The following SIPA1L1 variants were observed in gnomAD, a reference collection of about 807,000 sequenced individuals.
The protein encoded by SIPA1L1 is signal induced proliferation associated 1 like 1, also known as signal-induced proliferation-associated 1-like protein 1.
SIPA1L1 carries 26 observed loss-of-function variants against 162.7 expected under a neutral mutation model. The ratio of observed to expected loss-of-function variants is 0.16; its 90% CI spans 0.12 to 0.22. The LOEUF (loss-of-function observed/expected upper bound fraction) is 0.22. Ranked by LOEUF, SIPA1L1 falls within the 10% of genes least tolerant of loss-of-function variation. SIPA1L1 has a pLI of 1.00. For synonymous variants in SIPA1L1, 829 were observed against 837.4 expected (o/e 0.99, Z 0.17); for missense variants, 1,874 against 2,241.0 (o/e 0.84, Z 3.31).
At chr14:71,563,433 TTAAAG>T (rs2146687228) in intron 4 of SIPA1L1, among the ~76,000 whole-genome samples, 1 of 152,302 alleles carries the variant, frequency 6.6e-6, no homozygotes, top group South Asian at 2.1e-4. Context: ...TTTTAATAAG[TTAAAG>T]TAATTTGCTT....
intron 2 of SIPA1L1, among the ~76,000 whole-genome samples, chr14:71,342,664 C>A (rs181543620): frequency 1.4e-3 from 210 of 152,104 alleles, no homozygotes; most frequent in African/African-American, 4.8e-3. Flanking sequence ...TTTTTTATAC[C>A]TGAACTTTTC....
intron 2 of SIPA1L1, among the ~76,000 whole-genome samples, chr14:71,384,201 G>A (rs1020541313): frequency 6.6e-6 from 1 of 152,216 alleles, no homozygotes; most frequent in African/African-American, 2.4e-5. Context: ...TGAAAGGGAA[G>A]GTGATGAATT....
intron 2 of SIPA1L1, among the ~76,000 whole-genome samples, chr14:71,484,302 C>CT (rs554784800): frequency 5.3e-4 from 70 of 131,916 alleles, no homozygotes; most frequent in African/African-American, 9.7e-4. Flanking sequence ...ACTTTCTCAT[C>CT]TTTTTTTTTT....
intron 4 of SIPA1L1, among the ~76,000 whole-genome samples, chr14:71,553,273 C>CA (rs1010344223): frequency 2.6e-5 from 4 of 152,188 alleles, no homozygotes; most frequent in African/African-American, 9.6e-5. Context: ...AATCTATTTT[C>CA]AACTTGTATG....
At chr14:71,482,052 CT>C (rs987843658) in intron 2 of SIPA1L1, among the ~76,000 whole-genome samples, 5 of 152,118 alleles carry the variant, frequency 3.3e-5, no homozygotes, top group Admixed American at 6.5e-5. Context: ...GTTTACCATG[CT>C]TTTGTTACTT....
intron 8 of SIPA1L1, among the ~76,000 whole-genome samples, chr14:71,653,375 A>G (rs1455209320): frequency 6.6e-6 from 1 of 152,202 alleles, no homozygotes; most frequent in Non-Finnish European, 1.5e-5. Context: ...ATGCATATGC[A>G]TATGCAGCTT....
At chr14:71,419,202 C>T (rs1391488818) in intron 2 of SIPA1L1, among the ~76,000 whole-genome samples, 1 of 151,078 alleles carries the variant, frequency 6.6e-6, no homozygotes, top group Admixed American at 6.6e-5. Flanking sequence ...TGAATGGTTG[C>T]TGTAGAGCTA....
At chr14:71,446,464 G>A (rs2045350651) in intron 2 of SIPA1L1, among the ~76,000 whole-genome samples, 1 of 152,130 alleles carries the variant, frequency 6.6e-6, no homozygotes. Context: ...CTCTTTGTGA[G>A]GCTGAGGCAG....
intron 7 of SIPA1L1, among the ~76,000 whole-genome samples, chr14:71,636,562 G>A (rs955658344): frequency 2.6e-4 from 39 of 152,132 alleles, no homozygotes; most frequent in Middle Eastern, 6.3e-3. Flanking sequence ...GGGGGAAATT[G>A]ACAGTATGAA....
rs189225906 is a variant in SIPA1L1 at position 71,523,034 on chromosome 14, G to A, written c.-361-6278G>A. ...AGAAACACTCTGGGTAATTTTTCAA[G>A]GTCAGTCTTACAGTTTACTGATTCA... On this transcript the variant is annotated intron_variant, in intron 3 of 23. Coordinates refer to ENST00000381232, the MANE Select transcript of SIPA1L1 (RefSeq NM_001386936.1). Among the ~76,000 whole-genome samples, 11 of 152,030 alleles carry A rather than the reference G, an allele frequency of 7.2e-5. No individual in the cohort carries two copies. In the East Asian group the frequency reaches 2.1e-3, roughly 29 times the overall value.
chr14:71,346,518 A>C (rs976996085), intron 2 of SIPA1L1, among the ~76,000 whole-genome samples: 2 of 152,170 alleles, frequency 1.3e-5, no homozygotes, highest in African/African-American at 4.8e-5. Flanking sequence ...CTCCAAGGCC[A>C]GCAGAACTGT....
intron 10 of SIPA1L1, among the ~76,000 whole-genome samples, chr14:71,667,994 G>A (rs992979788): frequency 2.6e-5 from 4 of 152,084 alleles, no homozygotes; most frequent in African/African-American, 9.7e-5. Context: ...GAACCCAGGA[G>A]GCAGAGGTTG....
chr14:71,409,436 A>C (rs1404803345), intron 2 of SIPA1L1, among the ~76,000 whole-genome samples: 3 of 152,156 alleles, frequency 2.0e-5, no homozygotes, highest in African/African-American at 7.2e-5. Context: ...GCATTATATG[A>C]CATGTGGTGT....
intron 10 of SIPA1L1, among the ~76,000 whole-genome samples, chr14:71,665,539 A>C (rs571628558): frequency 6.6e-6 from 1 of 152,338 alleles, no homozygotes; most frequent in East Asian, 1.9e-4. Context: ...GAAGATTAGA[A>C]GCAAAAAAAA....
At chr14:71,654,583 T>C (rs1373958003) in intron 8 of SIPA1L1, among the ~76,000 whole-genome samples, 34 of 152,208 alleles carry the variant, frequency 2.2e-4, no homozygotes. Flanking sequence ...TTCAGCAGTG[T>C]TATAAATGCA....
At chr14:71,392,483 C>T (rs1289062280) in intron 2 of SIPA1L1, among the ~76,000 whole-genome samples, 1 of 152,146 alleles carries the variant, frequency 6.6e-6, no homozygotes, top group East Asian at 1.9e-4. Flanking sequence ...AGTTTTTCTG[C>T]TTTGCTCAAG....
intron 15 of SIPA1L1, among the ~76,000 whole-genome samples, chr14:71,704,076 C>T (rs1255352109): frequency 1.3e-5 from 2 of 152,028 alleles, no homozygotes; most frequent in Non-Finnish European, 2.9e-5. Context: ...AAGTGGTGGC[C>T]TTTCACCATG....
At chr14:71,351,526 T>A (rs1174724732) in intron 2 of SIPA1L1, among the ~76,000 whole-genome samples, 1 of 152,212 alleles carries the variant, frequency 6.6e-6, no homozygotes, top group African/African-American at 2.4e-5. Context: ...GAGAGAAAGG[T>A]TAATGCAGCC....
intron 4 of SIPA1L1, among the ~76,000 whole-genome samples, chr14:71,564,061 C>T (rs979075761): frequency 2.0e-5 from 3 of 152,060 alleles, no homozygotes; most frequent in African/African-American, 7.2e-5. Context: ...ATCCTCTCAC[C>T]TCAAATTCCC....
Sources: allele counts gnomAD v4.1 joint callset (sites outside exome capture counted in the v4.1 genomes callset), GRCh38; gene constraint gnomAD v4.1.1; transcripts MANE v1.5; gene names NCBI Gene and HGNC (gene_info 2026-07-23, HGNC 2026-07-21).